Variants in RAD52 observed in about 807,000 individuals in gnomAD.
The protein encoded by RAD52 is DNA repair protein RAD52 homolog.
In RAD52, 47 loss-of-function variants were observed where a neutral mutation model predicts 55.5. The observed-to-expected ratio is 0.85, with a 90% CI of 0.67 to 1.08. The LOEUF (loss-of-function observed/expected upper bound fraction) is 1.08. Ranked by LOEUF, RAD52 falls within the 50% of genes least tolerant of loss-of-function variation. The probability of loss-of-function intolerance (pLI) is 0.00; values close to 1 mark genes in which losing one functional copy is unlikely to be tolerated. For synonymous variants in RAD52, 184 were observed against 198.9 expected (o/e 0.92, Z 0.63); for missense variants, 468 against 522.8 (o/e 0.90, Z 1.02).
At chr12:972,827 G>C (rs1413181983) in intron 1 of RAD52, among the ~76,000 whole-genome samples, 2 of 151,702 alleles carry the variant, frequency 1.3e-5, no homozygotes, top group African/African-American at 4.8e-5. Context: ...GGCATGGTTG[G>C]GGGAACAGTA....
At chr12:979,100 C>G (rs557911326) in intron 1 of RAD52, among the ~76,000 whole-genome samples, 2 of 152,226 alleles carry the variant, frequency 1.3e-5, no homozygotes, top group Admixed American at 1.3e-4. Flanking sequence ...GCCCTAACCC[C>G]CAATGTGCCT....
chr12:955,776 T>C (rs1463071545), intron 1 of RAD52, among the ~76,000 whole-genome samples: 2 of 151,622 alleles, frequency 1.3e-5, no homozygotes, highest in Non-Finnish European at 2.9e-5. Flanking sequence ...CTGGGCATTT[T>C]TGTTTTTTTT....
In RAD52 at chr12:956,260, C is replaced by T. The variant is rs115793929; in HGVS notation, c.-18-23184G>A. ...AGAAGCCAACCCATAATTCTGACGTCGTTAGAACCAGGTTCAGCCTCTGAA... is the reference window on the plus strand; with the variant it reads ...AGAAGCCAACCCATAATTCTGACGTTGTTAGAACCAGGTTCAGCCTCTGAA... On this transcript the variant is annotated intron_variant, in intron 1 of 11. Coordinates refer to the RAD52 transcript ENST00000430095. Among the ~76,000 whole-genome samples, 1,016 of 152,204 alleles carry T rather than the reference C, an allele frequency of 6.7e-3. 7 individuals carry two copies. The highest frequency in any genetic ancestry group is 0.023 in the African/African-American group (966 of 41,516).
intron 1 of RAD52, among the ~76,000 whole-genome samples, chr12:939,347 C>T (rs2154117081): frequency 6.6e-6 from 1 of 151,946 alleles, no homozygotes; most frequent in East Asian, 1.9e-4. Flanking sequence ...ACACGGGTCT[C>T]ACTATGTTGT....
chr12:920,663 G>C (rs1956677966), intron 7 of RAD52, among the ~76,000 whole-genome samples: 1 of 151,878 alleles, frequency 6.6e-6, no homozygotes, highest in Non-Finnish European at 1.5e-5. Context: ...AACTTTGAGA[G>C]GATTGTAAGG....
intron 1 of RAD52, among the ~76,000 whole-genome samples, chr12:955,130 T>C (rs529334164): frequency 2.4e-4 from 37 of 152,306 alleles, no homozygotes; most frequent in African/African-American, 6.7e-4. Context: ...GGTGGGACAA[T>C]TGCACCCTAT....
intron 7 of RAD52, among the ~76,000 whole-genome samples, chr12:918,430 T>C (rs1414160680): frequency 6.6e-6 from 1 of 152,178 alleles, no homozygotes; most frequent in Admixed American, 6.5e-5. Context: ...AGGGTCTCGC[T>C]CTGTGGCCCA....
At chr12:960,026 G>A (rs1418330478) in intron 1 of RAD52, among the ~76,000 whole-genome samples, 1 of 152,196 alleles carries the variant, frequency 6.6e-6, no homozygotes, top group Non-Finnish European at 1.5e-5. Flanking sequence ...TGTAGGGAGG[G>A]AGGGCACAGG....
At chr12:981,252 G>C (rs780456828) in intron 1 of RAD52, among the ~76,000 whole-genome samples, 54 of 152,002 alleles carry the variant, frequency 3.6e-4, no homozygotes, top group Non-Finnish European at 6.5e-4. Flanking sequence ...AGGATCACTT[G>C]AGCCAGGGAG....
Position 944,549 on chromosome 12 carries a change from A to G in RAD52, c.-19+5053T>C, listed in dbSNP as rs142149208. 7.5e-4 allele frequency among the ~76,000 whole-genome samples: 112 copies of G among 150,218 alleles called. 1 individual carries two copies. Among genetic ancestry groups the G allele is most frequent in the Middle Eastern group, 6.8e-3 (2 of 292 alleles). ...AAAGAAAGAAAGAAATTAAATATGT[A>G]TCTGTCATATGATCCCAAAATTCTG... On this transcript the variant is annotated intron_variant, in intron 1 of 11. Coordinates refer to ENST00000358495, the MANE Select transcript of RAD52 (RefSeq NM_134424.4).
chr12:925,476 T>C lies in RAD52; in HGVS notation c.517A>G (p.Arg173Gly), dbSNP rs1956983640. The C allele has an allele frequency of 1.2e-6, 2 of 1,614,052 alleles. No individual in the cohort carries two copies. Among genetic ancestry groups the C allele is most frequent in the Non-Finnish European group, 8.5e-7 (1 of 1,179,912 alleles). ...TGGCGTGGAAGCTTATTTAGTGATC[T>C]CAGGTAGTCTTTGTCCAGAATACAG... ...GNCILDKDYL[R>G]SLNKLPRQLP... The change falls in exon 7 of 12, where the codon AGA (arginine) becomes GGA (glycine). Residue 173 changes from arginine to glycine, a missense_variant. By Grantham distance (125) the Arg-to-Gly change is moderately radical. Coordinates refer to ENST00000358495, the MANE Select transcript of RAD52 (RefSeq NM_134424.4).
At chr12:915,107 C>T (rs1422106987) in intron 9 of RAD52, among the ~76,000 whole-genome samples, 1 of 152,204 alleles carries the variant, frequency 6.6e-6, no homozygotes, top group Non-Finnish European at 1.5e-5. Context: ...GCACTCCAGG[C>T]TGGGTGACAG....
At chr12:985,071 AG>A (rs1205721783) in intron 1 of RAD52, among the ~76,000 whole-genome samples, 1 of 152,114 alleles carries the variant, frequency 6.6e-6, no homozygotes, top group African/African-American at 2.4e-5. Context: ...GGCCCCCCAA[AG>A]TGCTGGGATT....
At chr12:950,170 C>T (rs1958486440), upstream of RAD52, among the ~76,000 whole-genome samples, 1 of 152,200 alleles carries the variant, frequency 6.6e-6, no homozygotes, top group Non-Finnish European at 1.5e-5. Context: ...GTTCTCGCGG[C>T]CTCTCACCAC....
At chr12:989,402 T>C (rs542294107) in intron 1 of RAD52, among the ~76,000 whole-genome samples, 3 of 152,362 alleles carry the variant, frequency 2.0e-5, no homozygotes, top group Admixed American at 2.0e-4. Context: ...TTCTATTTTG[T>C]ATCACTTTTA....
chr12:946,932 G>C (rs1314994185), intron 1 of RAD52, among the ~76,000 whole-genome samples: 1 of 152,160 alleles, frequency 6.6e-6, no homozygotes, highest in Non-Finnish European at 1.5e-5. Context: ...ATCTCTGACG[G>C]TTTCTGCCTC....
chr12:968,952 G>A (rs1182856672), intron 1 of RAD52, among the ~76,000 whole-genome samples: 1 of 152,046 alleles, frequency 6.6e-6, no homozygotes, highest in East Asian at 1.9e-4. Context: ...CGTGGTTTCT[G>A]CATCAATGGA....
chr12:985,225 TG>T (rs1322878063), intron 1 of RAD52, among the ~76,000 whole-genome samples: 2 of 152,214 alleles, frequency 1.3e-5, no homozygotes, highest in Non-Finnish European at 2.9e-5. Flanking sequence ...ACCACAGCCT[TG>T]ATCTCCTGGG....
intron 9 of RAD52, among the ~76,000 whole-genome samples, chr12:915,993 G>C (rs1565646454): frequency 6.6e-6 from 1 of 152,062 alleles, no homozygotes; most frequent in African/African-American, 2.4e-5. Context: ...CTGGGATTAC[G>C]GACATGAGCC....
Sources: gnomAD v4.1 joint callset for allele counts (sites outside exome capture counted in the v4.1 genomes callset) on GRCh38, gnomAD v4.1.1 for gene constraint, MANE v1.5 for transcripts, NCBI Gene and HGNC (gene_info 2026-07-23, HGNC 2026-07-21) for gene names.